The following HMGCL variants were observed in gnomAD, a reference collection of about 807,000 sequenced individuals.
HMGCL encodes the protein 3-hydroxy-3-methylglutaryl-CoA lyase.
HMGCL carries 26 observed loss-of-function variants against 37.3 expected under a neutral mutation model. The ratio of observed to expected loss-of-function variants is 0.70; its 90% CI spans 0.51 to 0.97. The LOEUF (loss-of-function observed/expected upper bound fraction) is 0.97, where lower values mean the gene tolerates loss of function less well. Ranked by LOEUF, HMGCL falls within the 50% of genes least tolerant of loss-of-function variation. HMGCL has a pLI of 0.00. For synonymous variants in HMGCL, 151 were observed against 148.0 expected, an observed-to-expected ratio of 1.02 and a Z score of -0.15; for missense variants, 379 against 398.1, an observed-to-expected ratio of 0.95 and a Z score of 0.41.
intron 1 of HMGCL, 27 bp downstream of exon 1, chr1:23,825,329 G>C: frequency 6.5e-7 from 1 of 1,543,634 alleles, no homozygotes; most frequent in Non-Finnish European, 8.8e-7. Flanking sequence ...CTGCAGGGCC[G>C]CCGCCTCGGC....
chr1:23,817,435 C>A, intron 3 of HMGCL, 41 bp downstream of exon 3: 1 of 1,200,748 alleles, frequency 8.3e-7, no homozygotes, highest in South Asian at 1.2e-5. Context: ...CAAAACTTTT[C>A]ATCCCTAGAG....
chr1:23,818,371 T>C (rs959234749), intron 2 of HMGCL, among the ~76,000 whole-genome samples: 2 of 152,156 alleles, frequency 1.3e-5, no homozygotes, highest in Non-Finnish European at 2.9e-5. Context: ...GGTGGATCAC[T>C]GGAGCCTGGG....
At position 23,807,018 on chromosome 1, in the gene HMGCL, C is replaced by T. The variant is rs754180309; in HGVS notation, c.750+1117G>A. ...GAGGTCAGAGGAAGCTACTGCCAGACGTCACACAGCTCAACCTGTTCCCTG... is the reference window on the plus strand; with the variant it reads ...GAGGTCAGAGGAAGCTACTGCCAGATGTCACACAGCTCAACCTGTTCCCTG... On this transcript the variant is annotated intron_variant, in intron 7 of 8. Transcript: ENST00000374490. 3.1e-5 allele frequency: 16 copies of T among 518,886 alleles called. No homozygotes were observed. The Middle Eastern group carries it at 1.6e-3, about 51-fold the overall frequency. 32.1% of individuals were successfully genotyped at this position (518,886 alleles called of 1,614,324 possible). A position where few individuals can be genotyped will look rare whatever the true frequency, so the allele number is the denominator to read the frequency against.
rs1638408413 is a variant in HMGCL, at chr1:23,806,332, A to C, written c.750+1803T>G. Among the ~76,000 whole-genome samples, 1 of 152,056 alleles carries C rather than the reference A, an allele frequency of 6.6e-6. No individual in the cohort carries two copies. The highest frequency in any genetic ancestry group is 2.4e-5 in the African/African-American group (1 of 41,382). On this transcript the variant is annotated intron_variant, in intron 7 of 8. Coordinates refer to ENST00000374490, the MANE Select transcript of HMGCL (RefSeq NM_000191.3). The surrounding 1 kb of genome is among the most constrained non-coding windows in gnomAD (Gnocchi z 4.0). The stretch of plus-strand genomic sequence containing the variant: ...AGACTCTCTGTTAGCTTCCCAGCTC[A>C]GTCTGAAAGAGTCAAAGTCCTACAA...
At position 23,814,339 on chromosome 1, in the gene HMGCL, C is replaced by G; in HGVS notation, c.349-1G>C. ...CTACTTCCTTGGCTCCAGCAGCAAC[C>G]TGCCAACATCCAGGTGAACTCCTTT... On this transcript the variant is annotated splice_acceptor_variant, in intron 4 of 8. Coordinates refer to ENST00000374490, the MANE Select transcript of HMGCL (RefSeq NM_000191.3). LOFTEE classifies it high-confidence loss of function. The G allele has an allele frequency of 6.2e-7, 1 of 1,613,148 alleles. No homozygotes were observed. Among genetic ancestry groups the G allele is most frequent in the Non-Finnish European group, 8.5e-7 (1 of 1,179,898 alleles).
chr1:23,802,648 G>T, intron 8 of HMGCL, 84 bp from the exon 9 acceptor site: 1 of 897,862 alleles, frequency 1.1e-6, no homozygotes. Context: ...AGACAACTGT[G>T]ATACTGAAAA....
chr1:23,817,987 G>C (rs936350025), intron 2 of HMGCL, among the ~76,000 whole-genome samples: 7 of 152,126 alleles, frequency 4.6e-5, no homozygotes, highest in African/African-American at 1.7e-4. Flanking sequence ...CAGATTCCAT[G>C]GATTCCTCTT....
chr1:23,823,509 C>T (rs1638759918), intron 1 of HMGCL, among the ~76,000 whole-genome samples: 1 of 151,892 alleles, frequency 6.6e-6, no homozygotes, highest in South Asian at 2.1e-4. Context: ...CGCACCACCA[C>T]ACCTGGCTAA....
At chr1:23,822,177 A>G (rs1244144171) in intron 1 of HMGCL, among the ~76,000 whole-genome samples, 2 of 152,134 alleles carry the variant, frequency 1.3e-5, no homozygotes, top group African/African-American at 4.8e-5. Context: ...CCCAGAAGAG[A>G]GCAATTACTG....
intron 6 of HMGCL, chr1:23,810,445 G>A: frequency 2.4e-6 from 1 of 420,632 alleles, no homozygotes; most frequent in Non-Finnish European, 4.5e-6. Context: ...GAACTCCTGG[G>A]TAAGGAGCCC....
intron 4 of HMGCL, among the ~76,000 whole-genome samples, chr1:23,815,717 G>A (rs547951999): frequency 2.0e-5 from 3 of 151,754 alleles, no homozygotes; most frequent in East Asian, 3.9e-4. Flanking sequence ...GGATGGTCTC[G>A]ATCTCCTGAC....
rs1357906142 is a variant in HMGCL at position 23,820,606 on chromosome 1, A to G, written c.61-13T>C. On this transcript the variant is annotated splice_polypyrimidine_tract_variant and intron_variant, in intron 1 of 8. Coordinates refer to ENST00000374490, the MANE Select transcript of HMGCL (RefSeq NM_000191.3). ...ATGAGGTGCTGACCTTTGGTTTAAA[A>G]GAGGAAACAAAAAGTATGAGGAAGA... 1.3e-6 allele frequency: 2 copies of G among 1,598,510 alleles called. No individual in the cohort carries two copies. Among genetic ancestry groups the G allele is most frequent in the Non-Finnish European group, 1.7e-6 (2 of 1,165,752 alleles).
At position 23,825,349 on chromosome 1, in the gene HMGCL, C is replaced by A. The variant is rs368461149; in HGVS notation, c.60+7G>T. ...GGGCCGCCGCCTCGGCGGCTCGGGG[C>A]ACTTACAGCCCGGAGGGACGCCAAG... On this transcript the variant is annotated splice_region_variant and intron_variant, in intron 1 of 8. Transcript: ENST00000374490. 6.4e-7 allele frequency: 1 copy of A among 1,555,180 alleles called. No individual in the cohort carries two copies. Among genetic ancestry groups the A allele is most frequent in the Non-Finnish European group, 8.7e-7 (1 of 1,149,742 alleles).
Position 23,806,033 on chromosome 1 carries a change from C to T in HMGCL, c.751-1508G>A, listed in dbSNP as rs1410493500. ...CTCAGCTCACTGCAAATCACTGCAA[C>T]CTCCACCTCCCGGGCTCAAGTGATT... is the stretch of plus-strand genomic sequence containing the variant. On this transcript the variant is annotated intron_variant, in intron 7 of 8. Transcript: ENST00000374490. This position sits in a 1 kb window ranked among gnomAD's most constrained non-coding sequence, Gnocchi z 4.0. Among the ~76,000 whole-genome samples, 2 of 152,004 alleles carry T rather than the reference C, an allele frequency of 1.3e-5. No homozygotes were observed. Among genetic ancestry groups the T allele is most frequent in the South Asian group, 4.1e-4 (2 of 4,822 alleles).
chr1:23,814,544 T>A (rs1426450591), intron 4 of HMGCL, among the ~76,000 whole-genome samples: 1 of 152,120 alleles, frequency 6.6e-6, no homozygotes, highest in South Asian at 2.1e-4. Flanking sequence ...CTAATTTTTG[T>A]ATTTTTAGTA....
intron 2 of HMGCL, among the ~76,000 whole-genome samples, chr1:23,818,773 T>C (rs944746800): frequency 2.6e-5 from 4 of 151,922 alleles, no homozygotes; most frequent in Admixed American, 1.3e-4. Flanking sequence ...CTCAAACTCC[T>C]GACCTCAGGT....
At chr1:23,821,779 C>G (rs1638726346) in intron 1 of HMGCL, among the ~76,000 whole-genome samples, 2 of 152,256 alleles carry the variant, frequency 1.3e-5, no homozygotes, top group Non-Finnish European at 1.5e-5. Context: ...CTGTCCACTC[C>G]CAACCTCCAC....
chr1:23,808,046 A>T, intron 7 of HMGCL, 89 bp downstream of exon 7: 1 of 1,221,556 alleles, frequency 8.2e-7, no homozygotes. Flanking sequence ...GCATACTGGC[A>T]TCAGTAAATG....
At chr1:23,824,525 G>A (rs193301167) in intron 1 of HMGCL, among the ~76,000 whole-genome samples, 1 of 152,294 alleles carries the variant, frequency 6.6e-6, no homozygotes, top group Non-Finnish European at 1.5e-5. Flanking sequence ...GGGACCCAGT[G>A]CCAGGAGTGT....
Sources: gnomAD v4.1 joint callset for allele counts (sites outside exome capture counted in the v4.1 genomes callset) on GRCh38, gnomAD v4.1.1 for gene constraint, Gnocchi (gnomAD v3.1) non-coding constraint, MANE v1.5 for transcripts, NCBI Gene and HGNC (gene_info 2026-07-23, HGNC 2026-07-21) for gene names.